RNF144A: variants seen among roughly 807,000 people sequenced by gnomAD.
RNF144A encodes the protein ring finger protein 144A, also known as E3 ubiquitin-protein ligase RNF144A.
In RNF144A, 11 loss-of-function variants were observed where a neutral mutation model predicts 38.7. The observed-to-expected ratio is 0.28, with a 90% CI of 0.18 to 0.47. The LOEUF (loss-of-function observed/expected upper bound fraction) is 0.47, where lower values mean the gene tolerates loss of function less well. Ranked by LOEUF, RNF144A falls within the 20% of genes least tolerant of loss-of-function variation. RNF144A has a pLI of 0.99. For synonymous variants in RNF144A, 149 were observed against 143.9 expected (o/e 1.04, Z -0.25); for missense variants, 316 against 377.2 (o/e 0.84, Z 1.34).
intron 6 of RNF144A, among the ~76,000 whole-genome samples, chr2:7,062,012 C>T (rs570829968): frequency 3.4e-4 from 51 of 152,030 alleles, no homozygotes; most frequent in Non-Finnish European, 6.6e-4. Context: ...TGTTATTGTC[C>T]CTGAGTTGAG....
At chr2:6,999,795 A>G (rs1268507054) in intron 3 of RNF144A, among the ~76,000 whole-genome samples, 1 of 152,232 alleles carries the variant, frequency 6.6e-6, no homozygotes, top group East Asian at 1.9e-4. Context: ...AGGAATAAAA[A>G]CAGAGTTTGG....
chr2:6,927,293 C>T (rs372937243), intron 1 of RNF144A, among the ~76,000 whole-genome samples: 15 of 152,188 alleles, frequency 9.9e-5, no homozygotes, highest in East Asian at 1.9e-4. Flanking sequence ...GCTGATTGGC[C>T]GAGGGAAGCA....
chr2:6,989,062 A>G (rs1368651024), intron 2 of RNF144A, among the ~76,000 whole-genome samples: 1 of 152,212 alleles, frequency 6.6e-6, no homozygotes, highest in African/African-American at 2.4e-5. Context: ...AGTTTCGGTA[A>G]CTGGAACATT....
Position 6,952,999 on chromosome 2 carries a change from T to C in RNF144A, c.-12+11852T>C, listed in dbSNP as rs562994997. 5.9e-5 allele frequency among the ~76,000 whole-genome samples: 9 copies of C among 152,360 alleles called. No individual in the cohort carries two copies. In the South Asian group the frequency reaches 6.2e-4, roughly 11 times the overall value. On this transcript the variant is annotated intron_variant, in intron 2 of 8. Transcript: ENST00000320892. ...CTTTACTTTGTGTTTTATTTATTTT[T>C]GTTTTTGTTTGTTACAGGTCTTCTT...
chr2:6,939,212 G>A (rs1665807256), intron 1 of RNF144A, among the ~76,000 whole-genome samples: 1 of 152,196 alleles, frequency 6.6e-6, no homozygotes, highest in Non-Finnish European at 1.5e-5. Context: ...CAATGTGTAA[G>A]GGTTCACATT....
intron 3 of RNF144A, among the ~76,000 whole-genome samples, chr2:7,003,620 C>T (rs550599932): frequency 1.3e-5 from 2 of 152,360 alleles, no homozygotes; most frequent in East Asian, 3.9e-4. Flanking sequence ...TATGTTACTA[C>T]ATTCTATAAT....
In RNF144A at chr2:6,998,901, G is replaced by A. The variant is rs191287534; in HGVS notation, c.135+1840G>A. On this transcript the variant is annotated intron_variant, in intron 3 of 8. Transcript: ENST00000320892. ...TGCCAAAAATGCCTTGTGGGGGGTG[G>A]GGGCGGGGGGCATTTGCAGTCTCTG... 2.4e-3 allele frequency among the ~76,000 whole-genome samples: 360 copies of A among 152,186 alleles called. 3 individuals carry two copies. Among genetic ancestry groups the A allele is most frequent in the Admixed American group, 0.022 (330 of 15,280 alleles).
chr2:6,983,730 G>A (rs1000164372), intron 2 of RNF144A, among the ~76,000 whole-genome samples: 13 of 152,178 alleles, frequency 8.5e-5, no homozygotes, highest in African/African-American at 2.9e-4. Context: ...CAAAGGAGAG[G>A]CTGAGGCTCA....
In RNF144A at chr2:7,040,602, C is replaced by G. The variant is rs1011559184; in HGVS notation, c.*842C>G. 2 of 985,310 alleles carry G rather than the reference C, an allele frequency of 2.0e-6. No homozygotes were observed. Among genetic ancestry groups the G allele is most frequent in the Non-Finnish European group, 2.4e-6 (2 of 829,938 alleles). The allele number at this position is 985,310 out of a possible 1,614,324, so 61.0% of individuals were successfully genotyped here. A position where few individuals can be genotyped will look rare whatever the true frequency, so the allele number is the denominator to read the frequency against. On this transcript the variant is annotated 3_prime_UTR_variant, in exon 9 of 9. Coordinates refer to ENST00000320892, the MANE Select transcript of RNF144A (RefSeq NM_014746.6). The stretch of plus-strand genomic sequence containing the variant: ...CTTCTCTCCCAGGTAGCAGAAAACG[C>G]TTTTTATTGTATTCAATCCCACTGC...
In RNF144A at chr2:7,039,648, G is replaced by C. The variant is rs780010880; in HGVS notation, c.767G>C (p.Gly256Ala). The C allele has an allele frequency of 8.1e-6, 13 of 1,613,856 alleles. No individual in the cohort carries two copies. The highest frequency in any genetic ancestry group is 1.0e-5 in the Non-Finnish European group (12 of 1,179,968). The change falls in exon 9 of 9, where the codon GGA becomes GCA. Residue 256 changes from glycine to alanine, a missense_variant. Transcript: ENST00000320892. Reference sequence around the variant, plus strand: ...TTCCAGGTTGTGGGCATTTTTGCAGGATTTGGGCTGCTGCTCTTGGTGGCC... The same window carrying C: ...TTCCAGGTTGTGGGCATTTTTGCAGCATTTGGGCTGCTGCTCTTGGTGGCC... ...HRTQVVGIFA[G>A]FGLLLLVASP...
At chr2:7,071,723 A>G (rs1438418972), downstream of RNF144A, among the ~76,000 whole-genome samples, 1 of 152,214 alleles carries the variant, frequency 6.6e-6, no homozygotes, top group Non-Finnish European at 1.5e-5. Flanking sequence ...TTGTATGTCA[A>G]TGTGGCGAGG....
At chr2:7,012,329 C>T (rs1670870052) in intron 3 of RNF144A, among the ~76,000 whole-genome samples, 1 of 152,192 alleles carries the variant, frequency 6.6e-6, no homozygotes, top group Admixed American at 6.6e-5. Context: ...AGATTACTGT[C>T]ACAACAGCGC....
At chr2:7,062,836 C>T (rs936316768) in intron 6 of RNF144A, 1 of 152,210 alleles carries the variant, frequency 6.6e-6, no homozygotes, top group African/African-American at 2.4e-5. Context: ...TTGGGATGCT[C>T]ACATTACAAA....
intron 6 of RNF144A, among the ~76,000 whole-genome samples, chr2:7,061,147 A>T (rs1157260242): frequency 6.6e-6 from 1 of 152,218 alleles, no homozygotes; most frequent in Admixed American, 6.5e-5. Context: ...AAAAGCTGCT[A>T]TGATTTCAGA....
intron 8 of RNF144A, among the ~76,000 whole-genome samples, chr2:7,031,943 G>A (rs1672334293): frequency 6.6e-6 from 1 of 152,264 alleles, no homozygotes; most frequent in Non-Finnish European, 1.5e-5. Flanking sequence ...ACAGGCAGGT[G>A]GAAGTGACTG....
intron 7 of RNF144A, among the ~76,000 whole-genome samples, chr2:7,029,535 C>T (rs971722782): frequency 3.3e-4 from 51 of 152,296 alleles, no homozygotes; most frequent in African/African-American, 1.2e-3. Flanking sequence ...AAAGTGCTCC[C>T]CGGGCTGGAT....
chr2:6,967,660 G>A (rs73914442), intron 2 of RNF144A, among the ~76,000 whole-genome samples: 3,532 of 152,274 alleles, frequency 0.023, 131 homozygotes, highest in African/African-American at 0.08. Flanking sequence ...CTGCGGTGGT[G>A]AATCCTTCAC....
chr2:7,058,425 A>G (rs1163591073), intron 6 of RNF144A, among the ~76,000 whole-genome samples: 1 of 152,152 alleles, frequency 6.6e-6, no homozygotes, highest in East Asian at 1.9e-4. Context: ...AATATCTAGA[A>G]TAGTATAGAA....
intron 6 of RNF144A, among the ~76,000 whole-genome samples, chr2:7,056,760 C>A (rs372910140): frequency 2.0e-5 from 3 of 152,224 alleles, no homozygotes; most frequent in Admixed American, 6.5e-5. Flanking sequence ...GGTCTCCCCC[C>A]CAGTTGTGGC....
Sources: gnomAD v4.1 joint callset for allele counts (sites outside exome capture counted in the v4.1 genomes callset) on GRCh38, gnomAD v4.1.1 for gene constraint, MANE v1.5 for transcripts, NCBI Gene and HGNC (gene_info 2026-07-23, HGNC 2026-07-21) for gene names.